Variants in HRH1 observed in about 807,000 individuals in gnomAD.
HRH1 encodes histamine H1 receptor.
HRH1 carries 6 observed loss-of-function variants against 10.3 expected under a neutral mutation model. The observed-to-expected ratio is 0.58, with a 90% CI of 0.32 to 1.15. The LOEUF (loss-of-function observed/expected upper bound fraction) is 1.15, where lower values mean the gene tolerates loss of function less well. Ranked by LOEUF, HRH1 falls within the 50% of genes most tolerant of loss-of-function variation. The pLI, the probability that HRH1 is intolerant of heterozygous loss-of-function variation, is 0.05. For missense variants in HRH1, 514 were observed against 615.3 expected, an observed-to-expected ratio of 0.84 and a Z score of 1.74; for synonymous variants, 242 against 236.7, an observed-to-expected ratio of 1.02 and a Z score of -0.21.
At chr3:11,154,362 G>T (rs1484760307), upstream of HRH1, among the ~76,000 whole-genome samples, 1 of 151,476 alleles carries the variant, frequency 6.6e-6, no homozygotes, top group Non-Finnish European at 1.5e-5. The surrounding 1 kb of genome is among the most constrained non-coding windows in gnomAD (Gnocchi z 4.4). Flanking sequence ...ACCGGGTGCG[G>T]GGGCGCTGCA....
intron 1 of HRH1, among the ~76,000 whole-genome samples, chr3:11,186,723 T>C (rs1937457490): frequency 6.6e-6 from 1 of 152,164 alleles, no homozygotes; most frequent in Non-Finnish European, 1.5e-5. Context: ...TCTAGTCTGT[T>C]TTGTGCCACA....
At chr3:11,205,879 C>G (rs1340414539) in intron 1 of HRH1, among the ~76,000 whole-genome samples, 1 of 152,112 alleles carries the variant, frequency 6.6e-6, no homozygotes, top group Non-Finnish European at 1.5e-5. Flanking sequence ...CCAAGCTGGT[C>G]TTGAACTCCT....
rs1165668524 is a variant in HRH1, at chr3:11,260,990, A to T, written c.*489A>T. ...CTGTGCAGAGACTTTATCCATGCCA[A>T]TAGTTGCTGTCCCCTTCCAGGGGTC... On this transcript the variant is annotated 3_prime_UTR_variant, in exon 2 of 2. Coordinates refer to ENST00000431010, the MANE Select transcript of HRH1 (RefSeq NM_001098212.2). 5.9e-6 allele frequency: 1 copy of T among 169,214 alleles called. No individual in the cohort carries two copies. The highest frequency in any genetic ancestry group is 2.4e-5 in the African/African-American group (1 of 41,474). The allele number at this position is 169,214 out of a possible 1,614,324, so 10.5% of individuals were successfully genotyped here. A position where few individuals can be genotyped will look rare whatever the true frequency, so the allele number is the denominator to read the frequency against.
intron 1 of HRH1, among the ~76,000 whole-genome samples, chr3:11,161,910 C>G (rs929310145): frequency 1.3e-5 from 2 of 152,176 alleles, no homozygotes; most frequent in Admixed American, 1.3e-4. Flanking sequence ...CTCCTCTGCC[C>G]AGCCTGAGCT....
chr3:11,242,256 C>T (rs1217105947), intron 1 of HRH1, among the ~76,000 whole-genome samples: 2 of 151,888 alleles, frequency 1.3e-5, no homozygotes, highest in Admixed American at 1.3e-4. Flanking sequence ...CCAAGGCAGG[C>T]GGATCAGGAG....
At chr3:11,221,578 T>C (rs1046030248) in intron 1 of HRH1, among the ~76,000 whole-genome samples, 2 of 151,558 alleles carry the variant, frequency 1.3e-5, no homozygotes, top group Non-Finnish European at 2.9e-5. Flanking sequence ...TGTATATATA[T>C]ATATCCATAA....
intron 1 of HRH1, among the ~76,000 whole-genome samples, chr3:11,244,662 T>C (rs112066303): frequency 0.033 from 5,062 of 152,378 alleles, 102 homozygotes; most frequent in Middle Eastern, 0.051. Context: ...TTGGAGTATT[T>C]CTAATTTGGA....
intron 1 of HRH1, among the ~76,000 whole-genome samples, chr3:11,142,644 G>A (rs2124992294): frequency 6.6e-6 from 1 of 152,366 alleles, no homozygotes; most frequent in East Asian, 1.9e-4. Flanking sequence ...GCCAGGCACA[G>A]TGGCTCACGC....
chr3:11,252,668 C>T (rs996105884), intron 1 of HRH1: 4 of 152,176 alleles, frequency 2.6e-5, no homozygotes, highest in Non-Finnish European at 5.9e-5. Flanking sequence ...CTTGCACTAA[C>T]CAGTATGACC....
chr3:11,211,858 G>A (rs567385245), intron 1 of HRH1, among the ~76,000 whole-genome samples: 1 of 152,236 alleles, frequency 6.6e-6, no homozygotes, highest in Admixed American at 6.5e-5. Context: ...TATTCCTGTG[G>A]TTTGGAGAAG....
chr3:11,215,762 G>T (rs186827235), intron 1 of HRH1, among the ~76,000 whole-genome samples: 81 of 152,256 alleles, frequency 5.3e-4, no homozygotes, highest in African/African-American at 1.8e-3. Flanking sequence ...TTTTACAAGT[G>T]GCAGGGGTGA....
chr3:11,207,692 T>A (rs1017151228), intron 1 of HRH1, among the ~76,000 whole-genome samples: 2 of 151,976 alleles, frequency 1.3e-5, no homozygotes, highest in African/African-American at 4.8e-5. Flanking sequence ...TAAAATGGGG[T>A]CATTCAAAAA....
intron 1 of HRH1, among the ~76,000 whole-genome samples, chr3:11,187,926 T>A (rs902642610): frequency 2.6e-5 from 4 of 152,242 alleles, no homozygotes; most frequent in African/African-American, 9.6e-5. Flanking sequence ...TCCCAATTGC[T>A]AAACATTTCA....
chr3:11,187,770 A>G (rs373257655), intron 1 of HRH1, among the ~76,000 whole-genome samples: 1 of 152,332 alleles, frequency 6.6e-6, no homozygotes. Context: ...TGTTGTTGTA[A>G]ACATGTAAAC....
At chr3:11,197,769 T>C (rs183762452) in intron 1 of HRH1, among the ~76,000 whole-genome samples, 6 of 152,256 alleles carry the variant, frequency 3.9e-5, no homozygotes, top group East Asian at 1.9e-4. Context: ...ATAAAACTAA[T>C]TGAAGGAAAA....
chr3:11,170,516 A>T (rs961627867), intron 1 of HRH1, among the ~76,000 whole-genome samples: 4 of 152,246 alleles, frequency 2.6e-5, no homozygotes, highest in African/African-American at 9.6e-5. Context: ...GGGAAGGCAG[A>T]CCCGGAACGG....
At chr3:11,197,126 A>AC (rs1575003383) in intron 1 of HRH1, among the ~76,000 whole-genome samples, 1 of 135,666 alleles carries the variant, frequency 7.4e-6, no homozygotes, top group East Asian at 2.1e-4. Flanking sequence ...CTCCATCTCA[A>AC]AAAAAAAAAA....
intron 1 of HRH1, among the ~76,000 whole-genome samples, chr3:11,257,676 C>T (rs1939817042): frequency 6.6e-6 from 1 of 152,066 alleles, no homozygotes; most frequent in South Asian, 2.1e-4. Context: ...TCAGTAGAGC[C>T]TTAGTAGCAA....
At chr3:11,229,321 T>C (rs1346464830) in intron 1 of HRH1, among the ~76,000 whole-genome samples, 1 of 150,304 alleles carries the variant, frequency 6.7e-6, no homozygotes, top group African/African-American at 2.5e-5. Flanking sequence ...GAACCTGGGG[T>C]GTTTGGGGAC....
Sources: gnomAD v4.1 joint callset for allele counts (sites outside exome capture counted in the v4.1 genomes callset) on GRCh38, gnomAD v4.1.1 for gene constraint, Gnocchi (gnomAD v3.1) non-coding constraint, MANE v1.5 for transcripts, NCBI Gene and HGNC (gene_info 2026-07-23, HGNC 2026-07-21) for gene names.